Variants in TET3 observed in about 807,000 individuals in gnomAD.
The protein encoded by TET3 is tet methylcytosine dioxygenase 3.
In TET3, 19 loss-of-function variants were observed where a neutral mutation model predicts 141.4. The ratio of observed to expected loss-of-function variants is 0.13; its 90% CI spans 0.09 to 0.20. The LOEUF (loss-of-function observed/expected upper bound fraction) is 0.20. TET3 is among the 10% of genes least tolerant of loss of function. The probability of loss-of-function intolerance (pLI) is 1.00; values close to 1 mark genes in which losing one functional copy is unlikely to be tolerated. For missense variants in TET3, 1,874 were observed against 2,356.9 expected (o/e 0.80, Z 4.24); for synonymous variants, 1,043 against 980.9 (o/e 1.06, Z -1.18).
intron 4 of TET3, 117 bp downstream of exon 4, chr2:74,048,528 G>A: frequency 1.8e-6 from 2 of 1,135,130 alleles, no homozygotes; most frequent in Non-Finnish European, 1.2e-6. Flanking sequence ...TGCCACACTG[G>A]GTTCTGGGAA....
rs549420773 is a variant in TET3 at position 74,086,730 on chromosome 2, G to A, written c.2680-1100G>A. 6.8e-5 allele frequency among the ~76,000 whole-genome samples: 10 copies of A among 148,006 alleles called. No individual in the cohort carries two copies. The South Asian group carries it at 2.1e-3, about 31-fold the overall frequency. ...CGCTTAAGCCCAGGAGTTTGAAGCT[G>A]CAGTGAGCTATGATCATGCCACTGT... On this transcript the variant is annotated intron_variant, in intron 6 of 11. Coordinates refer to ENST00000409262, the MANE Select transcript of TET3 (RefSeq NM_001287491.2).
the TET3 span, among the ~76,000 whole-genome samples, chr2:74,131,897 T>C: frequency 7.0e-6 from 1 of 142,518 alleles, no homozygotes; most frequent in Non-Finnish European, 1.5e-5. Context: ...TCCTTTTAAT[T>C]TGGGGGGAAG....
At chr2:74,002,991 G>T in intron 2 of TET3, 119 bp from the exon 3 acceptor site, 2 of 1,071,884 alleles carry the variant, frequency 1.9e-6, no homozygotes, top group South Asian at 1.4e-5. Flanking sequence ...TCTTTCCCAG[G>T]CTGTATCCCC....
At chr2:74,120,336 G>A in the TET3 span, among the ~76,000 whole-genome samples, 1 of 152,364 alleles carries the variant, frequency 6.6e-6, no homozygotes, top group East Asian at 1.9e-4. Flanking sequence ...TTCCGCCGGG[G>A]TCCCAGCCCG....
chr2:74,052,141 G>A (rs930057606), intron 4 of TET3, among the ~76,000 whole-genome samples: 3 of 152,086 alleles, frequency 2.0e-5, no homozygotes, highest in African/African-American at 7.2e-5. Flanking sequence ...CACCATGCCT[G>A]GCTAACTTCT....
the TET3 span, among the ~76,000 whole-genome samples, chr2:74,116,592 C>T: frequency 1.3e-4 from 19 of 149,524 alleles, no homozygotes; most frequent in Admixed American, 9.4e-4. Flanking sequence ...GGCTGAGGCA[C>T]GAGAATTGCT....
At chr2:74,130,725 G>T in the TET3 span, 1 of 152,216 alleles carries the variant, frequency 6.6e-6, no homozygotes, top group African/African-American at 2.4e-5. Context: ...GGATACAGCC[G>T]GCCTGAGGGA....
chr2:74,066,829 T>C (rs1223114358), intron 4 of TET3, among the ~76,000 whole-genome samples: 1 of 152,204 alleles, frequency 6.6e-6, no homozygotes, highest in Non-Finnish European at 1.5e-5. Flanking sequence ...TTCCTTTCTC[T>C]GTCCTTAACC....
At chr2:74,020,838 A>C (rs1309982022) in intron 3 of TET3, among the ~76,000 whole-genome samples, 2 of 152,210 alleles carry the variant, frequency 1.3e-5, no homozygotes, top group South Asian at 2.1e-4. Flanking sequence ...CCTCTCTAGC[A>C]GTTGTGCATC....
chr2:74,123,602 C>T, the TET3 span, among the ~76,000 whole-genome samples: 18 of 152,298 alleles, frequency 1.2e-4, no homozygotes, highest in Non-Finnish European at 1.9e-4. Context: ...GATCTCGGCT[C>T]GCTACAACCT....
downstream of TET3, among the ~76,000 whole-genome samples, chr2:74,111,002 A>G (rs958675035): frequency 1.3e-5 from 2 of 151,812 alleles, no homozygotes; most frequent in Admixed American, 1.3e-4. Flanking sequence ...GGTCCATACC[A>G]CTCACTCACC....
At chr2:74,025,140 C>T (rs1305162666) in intron 3 of TET3, among the ~76,000 whole-genome samples, 5 of 145,406 alleles carry the variant, frequency 3.4e-5, no homozygotes, top group Admixed American at 7.0e-5. Context: ...AGGAGAATGG[C>T]GTGAACCCGG....
intron 2 of TET3, among the ~76,000 whole-genome samples, chr2:73,988,706 A>T (rs1684168555): frequency 6.6e-6 from 1 of 152,142 alleles, no homozygotes; most frequent in African/African-American, 2.4e-5. Context: ...GTGTCCGAGG[A>T]CAGAGGGTCT....
At chr2:74,084,391 A>G (rs1192513331) in intron 6 of TET3, among the ~76,000 whole-genome samples, 19 of 151,834 alleles carry the variant, frequency 1.3e-4, no homozygotes, top group Admixed American at 1.2e-3. Flanking sequence ...ACTTAGGGAG[A>G]CCAAGCGGGC....
Position 74,084,270 on chromosome 2 carries a change from G to A in TET3, c.2680-3560G>A, listed in dbSNP as rs919804124. ...ACATTACATTAAGTGAAATAAGCAA[G>A]TCATAAAAGGATAAATACTGTATGA... On this transcript the variant is annotated intron_variant, in intron 6 of 11. Transcript: ENST00000409262. Among the ~76,000 whole-genome samples the A allele has an allele frequency of 6.6e-5, 10 of 152,306 alleles. No individual in the cohort carries two copies. In the East Asian group the frequency reaches 1.9e-3, roughly 29 times the overall value.
chr2:73,983,852 C>G, upstream of TET3, among the ~76,000 whole-genome samples: 1 of 152,190 alleles, frequency 6.6e-6, no homozygotes, highest in Non-Finnish European at 1.5e-5. Flanking sequence ...CAGAGACCCA[C>G]CCTGCTCCCC....
intron 3 of TET3, among the ~76,000 whole-genome samples, chr2:74,037,538 G>GGT (rs1343171408): frequency 7.2e-5 from 11 of 152,216 alleles, no homozygotes; most frequent in African/African-American, 2.7e-4. Flanking sequence ...GGCTTAGCAG[G>GGT]GTGGGGTGTT....
chr2:74,023,306 G>A (rs1295087429), intron 3 of TET3, among the ~76,000 whole-genome samples: 5 of 152,082 alleles, frequency 3.3e-5, no homozygotes, highest in Non-Finnish European at 5.9e-5. Flanking sequence ...GCGGTGCTGC[G>A]ATCATGGCTC....
At chr2:74,071,122 G>A (rs750935592) in intron 4 of TET3, among the ~76,000 whole-genome samples, 9 of 152,086 alleles carry the variant, frequency 5.9e-5, no homozygotes, top group Non-Finnish European at 1.0e-4. Flanking sequence ...CCACCTCCTC[G>A]CTATATCTTC....
Sources: allele counts gnomAD v4.1 joint callset (sites outside exome capture counted in the v4.1 genomes callset), GRCh38; gene constraint gnomAD v4.1.1; transcripts MANE v1.5; gene names NCBI Gene and HGNC (gene_info 2026-07-23, HGNC 2026-07-21).